RANBP17: variants seen among roughly 807,000 people sequenced by gnomAD.
RANBP17 encodes the protein ran-binding protein 17.
A neutral mutation model predicts 141.2 loss-of-function variants in RANBP17; 158 were observed. The ratio of observed to expected loss-of-function variants is 1.12; its 90% confidence interval spans 0.98 to 1.28. The LOEUF (loss-of-function observed/expected upper bound fraction) is 1.28, where lower values mean the gene tolerates loss of function less well. RANBP17 is among the 50% of genes most tolerant of loss of function. The pLI, the probability that RANBP17 is intolerant of heterozygous loss-of-function variation, is 0.00. For missense variants in RANBP17, 1,438 were observed against 1,290.7 expected (o/e 1.11, Z -1.75); for synonymous variants, 430 against 450.0 (o/e 0.96, Z 0.56).
intron 14 of RANBP17, among the ~76,000 whole-genome samples, chr5:171,112,619 C>G (rs1755321987): frequency 6.6e-6 from 1 of 151,920 alleles, no homozygotes; most frequent in Non-Finnish European, 1.5e-5. Context: ...AAAGGAACAG[C>G]AGAACAAGAG....
chr5:171,177,490 A>ATTTGTAC (rs1554111014), intron 16 of RANBP17, among the ~76,000 whole-genome samples: 2 of 152,056 alleles, frequency 1.3e-5, no homozygotes, highest in Non-Finnish European at 2.9e-5. Flanking sequence ...TTAGACCACA[A>ATTTGTAC]TTTGTACTTT....
At chr5:171,264,535 A>C (rs1319638794) in intron 24 of RANBP17, among the ~76,000 whole-genome samples, 1 of 152,212 alleles carries the variant, frequency 6.6e-6, no homozygotes, top group Non-Finnish European at 1.5e-5. Flanking sequence ...CAGTGTCCTC[A>C]CCTGTAAATG....
intron 24 of RANBP17, among the ~76,000 whole-genome samples, chr5:171,245,878 T>A (rs1042556794): frequency 1.5e-5 from 2 of 133,976 alleles, no homozygotes; most frequent in Non-Finnish European, 3.2e-5. Flanking sequence ...CTTCTCATAC[T>A]TTTTTTTTTT....
chr5:170,890,209 A>G lies in RANBP17; in HGVS notation c.257-2178A>G, dbSNP rs559335958. 1.7e-4 allele frequency among the ~76,000 whole-genome samples: 26 copies of G among 152,328 alleles called. No homozygotes were observed. The South Asian group carries it at 4.4e-3, about 25-fold the overall frequency. On this transcript the variant is annotated intron_variant, in intron 3 of 27. Coordinates refer to ENST00000523189, the MANE Select transcript of RANBP17 (RefSeq NM_022897.5). ...CCACTGCAAGATGAACATTTTCAGG[A>G]TATTAAAAATAAAAGTGTAATTGAA...
intron 14 of RANBP17, among the ~76,000 whole-genome samples, chr5:171,155,583 C>T (rs574144034): frequency 4.6e-5 from 7 of 152,090 alleles, no homozygotes; most frequent in South Asian, 2.1e-4. Flanking sequence ...AACTTATTTC[C>T]GTGAACCCTT....
chr5:171,037,937 GT>G (rs1002258416), intron 14 of RANBP17, among the ~76,000 whole-genome samples: 6 of 151,300 alleles, frequency 4.0e-5, no homozygotes, highest in South Asian at 2.1e-4. Flanking sequence ...TTTTAGAATA[GT>G]TTTTTTTTAC....
At chr5:170,967,749 G>A (rs1390813012) in intron 13 of RANBP17, among the ~76,000 whole-genome samples, 1 of 151,482 alleles carries the variant, frequency 6.6e-6, no homozygotes, top group East Asian at 1.9e-4. Context: ...ATTAAGGGCA[G>A]GATATAACTT....
At chr5:170,869,504 G>C (rs1767537451) in intron 1 of RANBP17, among the ~76,000 whole-genome samples, 1 of 151,982 alleles carries the variant, frequency 6.6e-6, no homozygotes, top group Non-Finnish European at 1.5e-5. Context: ...AACATACACT[G>C]GTTTGGTCCC....
Position 170,961,086 on chromosome 5 carries a change from C to T in RANBP17, c.1575-7156C>T, listed in dbSNP as rs558767423. On this transcript the variant is annotated intron_variant, in intron 13 of 27. Transcript: ENST00000523189. Reference sequence around the variant, plus strand: ...TGGCTACACATGCTTTCCTTTTTGTCGCAACACTATGGCTTTGCCTTGTTC... The same window carrying T: ...TGGCTACACATGCTTTCCTTTTTGTTGCAACACTATGGCTTTGCCTTGTTC... 7.0e-4 allele frequency among the ~76,000 whole-genome samples: 64 copies of T among 91,464 alleles called. 1 individual carries two copies. In the South Asian group the frequency reaches 0.057, roughly 81 times the overall value. 60.0% of individuals were successfully genotyped at this position (91,464 alleles called of 152,430 possible).
intron 14 of RANBP17, among the ~76,000 whole-genome samples, chr5:171,015,310 T>G (rs1780351164): frequency 6.6e-6 from 1 of 152,156 alleles, no homozygotes; most frequent in Non-Finnish European, 1.5e-5. Context: ...CACTTGATGT[T>G]GCCCAACAGC....
Position 171,068,221 on chromosome 5 carries a change from T to C in RANBP17, c.1710+99844T>C, listed in dbSNP as rs143342594. On this transcript the variant is annotated intron_variant, in intron 14 of 27. Coordinates refer to ENST00000523189, the MANE Select transcript of RANBP17 (RefSeq NM_022897.5). ...TATAATTTTATTTTCTTTCAGCTAT[T>C]GTGCTTTTCAACTCCAGAATTCCTG... Among the ~76,000 whole-genome samples the C allele has an allele frequency of 5.4e-3, 817 of 152,302 alleles. 12 individuals are homozygous for C. The highest frequency in any genetic ancestry group is 0.019 in the African/African-American group (790 of 41,574).
intron 22 of RANBP17, among the ~76,000 whole-genome samples, chr5:171,239,119 G>A (rs901215883): frequency 1.3e-5 from 2 of 152,168 alleles, no homozygotes; most frequent in African/African-American, 2.4e-5. Flanking sequence ...TCTAAGGTAA[G>A]TTACATTGAG....
At chr5:170,869,290 A>T (rs1477383323) in intron 1 of RANBP17, among the ~76,000 whole-genome samples, 1 of 149,566 alleles carries the variant, frequency 6.7e-6, no homozygotes, top group African/African-American at 2.5e-5. Flanking sequence ...TAAATTGATT[A>T]CTATTCATAT....
chr5:171,168,547 A>G lies in RANBP17; in HGVS notation c.1711-1583A>G, dbSNP rs75246921. On this transcript the variant is annotated intron_variant, in intron 14 of 27. Coordinates refer to ENST00000523189, the MANE Select transcript of RANBP17 (RefSeq NM_022897.5). ...GTTTGGCATCATGGTGAGCTTAGGG[A>G]AACTTTCTGTTCTACATATCATTCT... is the stretch of plus-strand genomic sequence containing the variant. Among the ~76,000 whole-genome samples, 881 of 152,188 alleles carry G rather than the reference A, an allele frequency of 5.8e-3. 12 individuals are homozygous for G. Among genetic ancestry groups the G allele is most frequent in the African/African-American group, 0.02 (850 of 41,538 alleles).
chr5:170,864,284 G>GA (rs1161711077), intron 1 of RANBP17, among the ~76,000 whole-genome samples: 1 of 152,180 alleles, frequency 6.6e-6, no homozygotes, highest in African/African-American at 2.4e-5. Context: ...GATGAGTAAA[G>GA]AAGCAGATTT....
intron 24 of RANBP17, among the ~76,000 whole-genome samples, chr5:171,254,610 T>C (rs1276058908): frequency 6.6e-6 from 1 of 152,212 alleles, no homozygotes; most frequent in African/African-American, 2.4e-5. Context: ...GCTAAGACTT[T>C]ATTCTGTTGG....
intron 14 of RANBP17, among the ~76,000 whole-genome samples, chr5:171,013,348 C>A (rs1021733267): frequency 6.6e-6 from 1 of 152,110 alleles, no homozygotes; most frequent in Non-Finnish European, 1.5e-5. Context: ...AACCACATAG[C>A]CCCTTTATTG....
chr5:171,252,893 A>G lies in RANBP17; in HGVS notation c.2776+10073A>G. On this transcript the variant is annotated intron_variant, in intron 24 of 27. Coordinates refer to ENST00000523189, the MANE Select transcript of RANBP17 (RefSeq NM_022897.5). ...GATGACGACATTGTAGAAAAAATAGATGCACAAGCTATTGAAGAAGTCTAC... is the reference window on the plus strand; with the variant it reads ...GATGACGACATTGTAGAAAAAATAGGTGCACAAGCTATTGAAGAAGTCTAC... 2.8e-6 allele frequency: 4 copies of G among 1,420,842 alleles called. No homozygotes were observed. The South Asian group carries it at 4.6e-5, about 16-fold the overall frequency. 88.0% of individuals were successfully genotyped at this position (1,420,842 alleles called of 1,614,324 possible). A position where few individuals can be genotyped will look rare whatever the true frequency, so the allele number is the denominator to read the frequency against.
At chr5:171,117,931 C>T (rs1755763411) in intron 14 of RANBP17, among the ~76,000 whole-genome samples, 1 of 151,944 alleles carries the variant, frequency 6.6e-6, no homozygotes, top group Non-Finnish European at 1.5e-5. Flanking sequence ...TAATAGTTTG[C>T]CAGTATTTTC....
Sources: allele counts gnomAD v4.1 joint callset (sites outside exome capture counted in the v4.1 genomes callset), GRCh38; gene constraint gnomAD v4.1.1; transcripts MANE v1.5; gene names NCBI Gene and HGNC (gene_info 2026-07-23, HGNC 2026-07-21).